TBC1D9B: variants seen among roughly 807,000 people sequenced by gnomAD.
TBC1D9B encodes TBC1 domain family, member 9B (with GRAM domain).
A neutral mutation model predicts 121.1 loss-of-function variants in TBC1D9B; 87 were observed. The ratio of observed to expected loss-of-function variants is 0.72; its 90% CI spans 0.60 to 0.86. TBC1D9B has a LOEUF of 0.86. TBC1D9B is among the 40% of genes least tolerant of loss of function. The probability of loss-of-function intolerance (pLI) is 0.00; values close to 1 mark genes in which losing one functional copy is unlikely to be tolerated. For missense variants in TBC1D9B, 1,540 were observed against 1,628.6 expected, an observed-to-expected ratio of 0.95 and a Z score of 0.94; for synonymous variants, 668 against 670.1, an observed-to-expected ratio of 1.00 and a Z score of 0.05.
intron 15 of TBC1D9B, 100 bp from the exon 16 acceptor site, chr5:179,870,595 C>G: frequency 6.8e-7 from 1 of 1,460,110 alleles, no homozygotes; most frequent in Non-Finnish European, 9.0e-7. Flanking sequence ...CTGTCCAAGC[C>G]TGCGGAGCCC....
chr5:179,905,026 T>C (rs1434640516), intron 1 of TBC1D9B, among the ~76,000 whole-genome samples: 1 of 152,248 alleles, frequency 6.6e-6, no homozygotes, highest in East Asian at 1.9e-4. Context: ...CCTGGAAGCA[T>C]CTGCTTCTTC....
rs1469405892 is a variant in TBC1D9B at position 179,874,343 on chromosome 5, G to A, written c.2186+559C>T. 6.6e-6 allele frequency among the ~76,000 whole-genome samples: 1 copy of A among 152,162 alleles called. No individual in the cohort carries two copies. Among genetic ancestry groups the A allele is most frequent in the Non-Finnish European group, 1.5e-5 (1 of 68,012 alleles). ...CCTGGGCTGAGGCAGCAGGCTGAAGGGAAGGGGCTGGATCCCAGACAGAAT... is the reference window on the plus strand; with the variant it reads ...CCTGGGCTGAGGCAGCAGGCTGAAGAGAAGGGGCTGGATCCCAGACAGAAT... On this transcript the variant is annotated intron_variant, in intron 12 of 20. Transcript: ENST00000355235. The surrounding 1 kb of genome is among the most constrained non-coding windows in gnomAD (Gnocchi z 4.3).
Position 179,875,362 on chromosome 5 carries a change from C to T in TBC1D9B, c.1901-175G>A, listed in dbSNP as rs938353647. On this transcript the variant is annotated intron_variant, in intron 11 of 20. Transcript: ENST00000355235. This position sits in a 1 kb window ranked among gnomAD's most constrained non-coding sequence, Gnocchi z 4.5. ...CGAAAAAACCCTTCAAGTCTCTCTACAGCTCCCAAACCACTGGGCGAAATA... is the reference window on the plus strand; with the variant it reads ...CGAAAAAACCCTTCAAGTCTCTCTATAGCTCCCAAACCACTGGGCGAAATA... Among the ~76,000 whole-genome samples the T allele has an allele frequency of 6.6e-6, 1 of 152,238 alleles. No homozygotes were observed. Among genetic ancestry groups the T allele is most frequent in the Non-Finnish European group, 1.5e-5 (1 of 68,044 alleles).
At chr5:179,887,910 G>A in intron 7 of TBC1D9B, 193 bp downstream of exon 7, 1 of 681,852 alleles carries the variant, frequency 1.5e-6, no homozygotes, top group Non-Finnish European at 2.6e-6. Flanking sequence ...TGTGGCTGGG[G>A]GTGCAGAGAG....
chr5:179,897,604 T>G (rs1282807862), intron 3 of TBC1D9B, among the ~76,000 whole-genome samples: 1 of 152,156 alleles, frequency 6.6e-6, no homozygotes, highest in Non-Finnish European at 1.5e-5. Flanking sequence ...GGATTACAGG[T>G]GTGAGCCACC....
At chr5:179,884,032 G>C (rs1037752405) in intron 7 of TBC1D9B, among the ~76,000 whole-genome samples, 16 of 151,944 alleles carry the variant, frequency 1.1e-4, no homozygotes, top group African/African-American at 3.9e-4. Flanking sequence ...TTTTTTTCTT[G>C]GGGTGAGCTC....
intron 17 of TBC1D9B, 110 bp downstream of exon 17, chr5:179,869,659 C>T (rs759628583): frequency 6.0e-5 from 72 of 1,201,242 alleles, no homozygotes; most frequent in Non-Finnish European, 7.9e-5. Context: ...CAGCCTGCGA[C>T]GCTGCTGTGC....
intron 4 of TBC1D9B, among the ~76,000 whole-genome samples, chr5:179,893,717 G>A (rs77599670): frequency 1.5e-3 from 210 of 144,148 alleles, no homozygotes; most frequent in Non-Finnish European, 2.6e-3. Context: ...GGAAAGGAAC[G>A]AACGTGCGGA....
In TBC1D9B at chr5:179,901,237, C is replaced by CT. The variant is rs201443664; in HGVS notation, c.230-1931dup. ...TAAGTCATCCATAATTCACTTTAAACTTTTTTTTTCATTTTTCTTTGCATT... is the reference window on the plus strand; with the variant it reads ...TAAGTCATCCATAATTCACTTTAAACTTTTTTTTTTCATTTTTCTTTGCATT... On this transcript the variant is annotated intron_variant, in intron 2 of 20. Coordinates refer to ENST00000355235, the MANE Select transcript of TBC1D9B (RefSeq NM_015043.4). Among the ~76,000 whole-genome samples the CT allele has an allele frequency of 1.9e-3, 292 of 151,792 alleles. 2 individuals are homozygous for CT. Among genetic ancestry groups the CT allele is most frequent in the African/African-American group, 6.5e-3 (268 of 41,356 alleles).
At position 179,866,036 on chromosome 5, in the gene TBC1D9B, T is replaced by G. The variant is rs548538493; in HGVS notation, c.2864-148A>C. The G allele has an allele frequency of 7.9e-6, 7 of 888,002 alleles. No homozygotes were observed. The African/African-American group carries it at 1.0e-4, about 13-fold the overall frequency. 55.0% of individuals were successfully genotyped at this position (888,002 alleles called of 1,614,324 possible). ...AGCAGGTCTCCCATGCCACACCTCC[T>G]GCCTGGCCCGCCCAGCCCCGCCCTA... On this transcript the variant is annotated intron_variant, in intron 18 of 20. Coordinates refer to ENST00000355235, the MANE Select transcript of TBC1D9B (RefSeq NM_015043.4).
rs36027894 is a variant in TBC1D9B, at chr5:179,885,594, C to CAAA, written c.1254+2506_1254+2508dup. Among the ~76,000 whole-genome samples the CAAA allele has an allele frequency of 7.1e-6, 1 of 140,944 alleles. No homozygotes were observed. Among genetic ancestry groups the CAAA allele is most frequent in the Non-Finnish European group, 1.5e-5 (1 of 66,206 alleles). The allele number at this position is 140,944 out of a possible 152,430, so 92.5% of individuals were successfully genotyped here. On this transcript the variant is annotated intron_variant, in intron 7 of 20. Coordinates refer to ENST00000355235, the MANE Select transcript of TBC1D9B (RefSeq NM_015043.4). The surrounding 1 kb of genome is among the most constrained non-coding windows in gnomAD (Gnocchi z 4.5). The stretch of plus-strand genomic sequence containing the variant: ...ACAGAGCAAGACTCTGTCCCCCCCC[C>CAAA]AAAAAAAAAAAGATGGAGGTATTTT...
intron 1 of TBC1D9B, among the ~76,000 whole-genome samples, chr5:179,906,997 C>T (rs1761338940): frequency 6.6e-6 from 1 of 152,170 alleles, no homozygotes; most frequent in Non-Finnish European, 1.5e-5. Context: ...TGGGCCTCCC[C>T]TGGATCCCAC....
At position 179,893,194 on chromosome 5, in the gene TBC1D9B, T is replaced by A; in HGVS notation, c.836+15A>T. Reference sequence around the variant, plus strand: ...GGCTCACATGAGCCCACCCCAGCCCTGGAGGGCAACGCACCGCTTCAGGGC... The same window carrying A: ...GGCTCACATGAGCCCACCCCAGCCCAGGAGGGCAACGCACCGCTTCAGGGC... On this transcript the variant is annotated intron_variant, in intron 5 of 20. Transcript: ENST00000355235. 6.3e-7 allele frequency: 1 copy of A among 1,592,366 alleles called. No individual in the cohort carries two copies. Among genetic ancestry groups the A allele is most frequent in the Non-Finnish European group, 8.6e-7 (1 of 1,168,290 alleles).
At chr5:179,888,007 C>T (rs959590353) in intron 7 of TBC1D9B, 96 bp downstream of exon 7, 29 of 1,502,554 alleles carry the variant, frequency 1.9e-5, no homozygotes, top group East Asian at 4.5e-5. Flanking sequence ...GGCCCACAGC[C>T]GGAACCATGG....
In TBC1D9B at chr5:179,863,779, TGGGA is replaced by T; in HGVS notation, c.3367_3370del (p.Gln1124CysfsTer67). 1 of 1,613,666 alleles carries T rather than the reference TGGGA, an allele frequency of 6.2e-7. No homozygotes were observed. Among genetic ancestry groups the T allele is most frequent in the Non-Finnish European group, 8.5e-7 (1 of 1,180,004 alleles). On this transcript the variant is annotated frameshift_variant, in exon 21 of 21. Transcript: ENST00000355235. LOFTEE classifies it low-confidence loss of function (END_TRUNC). This position sits in a 1 kb window ranked among gnomAD's most constrained non-coding sequence, Gnocchi z 4.5. ...TTTGGTTTCATCGTCAGACAGCAGC[TGGGA>T]GGGTGAGCCCTGTCCCTCGCCGCTG... is the stretch of plus-strand genomic sequence containing the variant.
At chr5:179,867,251 T>C in intron 18 of TBC1D9B, 1 of 598,418 alleles carries the variant, frequency 1.7e-6, no homozygotes, top group Non-Finnish European at 2.9e-6. Flanking sequence ...TGTGGGGGCC[T>C]TATTTACCGC....
At chr5:179,898,116 G>A (rs574822445) in intron 3 of TBC1D9B, among the ~76,000 whole-genome samples, 1 of 151,398 alleles carries the variant, frequency 6.6e-6, no homozygotes, top group African/African-American at 2.4e-5. Flanking sequence ...AGGAGTTTGA[G>A]ACTAGCCTGG....
At chr5:179,869,891 A>T in intron 16 of TBC1D9B, 57 bp from the exon 17 acceptor site, 1 of 1,482,234 alleles carries the variant, frequency 6.7e-7, no homozygotes, top group Non-Finnish European at 9.0e-7. Flanking sequence ...AGCCCCTTCC[A>T]GGGGGTCCGA....
At chr5:179,900,472 C>G (rs1761136118) in intron 2 of TBC1D9B, among the ~76,000 whole-genome samples, 1 of 152,016 alleles carries the variant, frequency 6.6e-6, no homozygotes, top group South Asian at 2.1e-4. Context: ...GCCCACCCAC[C>G]AGGCATGAAG....
Sources: allele counts gnomAD v4.1 joint callset (sites outside exome capture counted in the v4.1 genomes callset), GRCh38; gene constraint gnomAD v4.1.1; non-coding constraint Gnocchi (gnomAD v3.1); transcripts MANE v1.5; gene names NCBI Gene and HGNC (gene_info 2026-07-23, HGNC 2026-07-21).